WIPF3: variants seen among roughly 807,000 people sequenced by gnomAD.
WIPF3 encodes WAS/WASL-interacting protein family member 3.
WIPF3 carries 33 observed loss-of-function variants against 38.9 expected under a neutral mutation model. That is an observed-to-expected ratio of 0.85 (90% CI 0.64 to 1.14). The LOEUF (loss-of-function observed/expected upper bound fraction) is 1.14, where lower values mean the gene tolerates loss of function less well. Among genes scored for constraint, WIPF3 ranks in the 50% most tolerant of loss-of-function variants. The probability of loss-of-function intolerance (pLI) is 0.00; values close to 1 mark genes in which losing one functional copy is unlikely to be tolerated. For synonymous variants in WIPF3, 324 were observed against 269.3 expected (o/e 1.20, Z -1.99); for missense variants, 711 against 652.5 (o/e 1.09, Z -0.98).
In WIPF3 at chr7:29,857,323, C is replaced by T. The variant is rs976681143; in HGVS notation, c.91-18507C>T. 1.2e-3 allele frequency among the ~76,000 whole-genome samples: 177 copies of T among 152,052 alleles called. 1 individual carries two copies. Among genetic ancestry groups the T allele is most frequent in the Non-Finnish European group, 4.6e-4 (31 of 68,018 alleles). On this transcript the variant is annotated intron_variant, in intron 2 of 8. Transcript: ENST00000242140. ...TTTCTCTTAAAAAGAATCATGGCAA[C>T]GTGTCCCTGATTCTTTTGGAAAATA...
In WIPF3 at chr7:29,916,175, G is replaced by A. The variant is rs1191678537; in HGVS notation, c.*1659G>A. The A allele has an allele frequency of 2.6e-5, 4 of 152,178 alleles. No individual in the cohort carries two copies. Among genetic ancestry groups the A allele is most frequent in the Non-Finnish European group, 5.9e-5 (4 of 68,026 alleles). The allele number at this position is 152,178 out of a possible 1,614,324, so 9.4% of individuals were successfully genotyped here. ...AAGTAGAAGTTTTTGCAGGTCATCA[G>A]CTCTGGGCATAACTAATTTGTTTTA... On this transcript the variant is annotated 3_prime_UTR_variant, in exon 9 of 9. Transcript: ENST00000242140.
intron 2 of WIPF3, among the ~76,000 whole-genome samples, chr7:29,839,096 G>T (rs192641408): frequency 6.6e-6 from 1 of 152,130 alleles, no homozygotes; most frequent in South Asian, 2.1e-4. Flanking sequence ...GGAGGAGAGT[G>T]GGGGACTCAG....
chr7:29,819,958 G>A (rs186369689), intron 1 of WIPF3, among the ~76,000 whole-genome samples: 48 of 152,040 alleles, frequency 3.2e-4, no homozygotes, highest in Non-Finnish European at 5.7e-4. Flanking sequence ...CTAGTTTAGG[G>A]ACACTTTAAT....
At chr7:29,871,882 G>A (rs1785502293) in intron 2 of WIPF3, among the ~76,000 whole-genome samples, 2 of 152,172 alleles carry the variant, frequency 1.3e-5, no homozygotes, top group South Asian at 4.1e-4. Flanking sequence ...TAAGGTGAAC[G>A]TCTATTCTAC....
intron 7 of WIPF3, among the ~76,000 whole-genome samples, chr7:29,890,885 G>GAA (rs1785998224): frequency 7.6e-6 from 1 of 132,214 alleles, no homozygotes. Context: ...GGTGGAAGGG[G>GAA]TGAGGGCCTG....
At chr7:29,814,789 A>G (rs1478260453) in intron 1 of WIPF3, among the ~76,000 whole-genome samples, 1 of 152,106 alleles carries the variant, frequency 6.6e-6, no homozygotes, top group Non-Finnish European at 1.5e-5. Context: ...TGTTTTTCTC[A>G]GTGAACTGTT....
intron 8 of WIPF3, among the ~76,000 whole-genome samples, chr7:29,910,465 C>T (rs1786485738): frequency 6.6e-6 from 1 of 152,044 alleles, no homozygotes; most frequent in South Asian, 2.1e-4. Context: ...AGCAAAGACA[C>T]AAGAAAACCG....
intron 5 of WIPF3, among the ~76,000 whole-genome samples, chr7:29,885,857 A>G (rs1209347046): frequency 1.3e-5 from 2 of 151,956 alleles, no homozygotes; most frequent in Non-Finnish European, 2.9e-5. Flanking sequence ...TAATAACATC[A>G]CCCAGAGATG....
chr7:29,835,040 A>T (rs550473564), intron 2 of WIPF3, among the ~76,000 whole-genome samples: 7 of 151,842 alleles, frequency 4.6e-5, no homozygotes, highest in African/African-American at 1.7e-4. Context: ...TCATTGGTCT[A>T]CTGATGTCTA....
At chr7:29,909,750 G>A (rs1212001886) in intron 8 of WIPF3, among the ~76,000 whole-genome samples, 1 of 152,060 alleles carries the variant, frequency 6.6e-6, no homozygotes, top group Non-Finnish European at 1.5e-5. Context: ...TTTTAAATTA[G>A]CCAGATATGG....
chr7:29,810,776 T>A (rs1208741194), intron 1 of WIPF3, among the ~76,000 whole-genome samples: 1 of 152,256 alleles, frequency 6.6e-6, no homozygotes, highest in Non-Finnish European at 1.5e-5. Flanking sequence ...ATCATTTATT[T>A]GCTGTATGAT....
At chr7:29,899,067 G>A (rs1404666213) in intron 7 of WIPF3, among the ~76,000 whole-genome samples, 2 of 152,110 alleles carry the variant, frequency 1.3e-5, no homozygotes, top group African/African-American at 4.8e-5. Flanking sequence ...TCTCTTCCTG[G>A]CTTGCAGAGG....
At chr7:29,864,253 T>A (rs956847249) in intron 2 of WIPF3, among the ~76,000 whole-genome samples, 1 of 152,222 alleles carries the variant, frequency 6.6e-6, no homozygotes, top group Non-Finnish European at 1.5e-5. Context: ...TTTTGTCAGA[T>A]GCTTTTTCTG....
At chr7:29,858,974 A>G (rs1785232792) in intron 2 of WIPF3, among the ~76,000 whole-genome samples, 2 of 152,238 alleles carry the variant, frequency 1.3e-5, no homozygotes, top group Non-Finnish European at 2.9e-5. Flanking sequence ...CACTATGCTC[A>G]GTACTGGAAG....
chr7:29,825,894 A>G (rs1361423011), intron 1 of WIPF3, among the ~76,000 whole-genome samples: 1 of 152,166 alleles, frequency 6.6e-6, no homozygotes, highest in East Asian at 1.9e-4. Flanking sequence ...TTTAATACCC[A>G]GTTAGGGCTG....
At position 29,832,977 on chromosome 7, in the gene WIPF3, A is replaced by G. The variant is rs544728867; in HGVS notation, c.-57-1691A>G. On this transcript the variant is annotated intron_variant, in intron 1 of 8. Transcript: ENST00000242140. ...TCAACTAAATGTGGTGTATACGTAC[A>G]ATGGAATAATTCAGAATGAATTTCT... Among the ~76,000 whole-genome samples the G allele has an allele frequency of 1.3e-3, 197 of 152,380 alleles. 2 individuals are homozygous for G. The highest frequency in any genetic ancestry group is 4.7e-3 in the African/African-American group (196 of 41,596).
chr7:29,863,826 C>CAT (rs1785341182), intron 2 of WIPF3, among the ~76,000 whole-genome samples: 1 of 152,118 alleles, frequency 6.6e-6, no homozygotes, highest in Non-Finnish European at 1.5e-5. Flanking sequence ...GTACTTGGAG[C>CAT]ATATTTTAAG....
At chr7:29,898,055 C>G (rs997756551) in intron 7 of WIPF3, among the ~76,000 whole-genome samples, 4 of 152,180 alleles carry the variant, frequency 2.6e-5, no homozygotes, top group African/African-American at 9.7e-5. Context: ...GCCAAGTCCT[C>G]CCAGGCTTTC....
chr7:29,889,393 G>T lies in WIPF3; in HGVS notation c.1337G>T (p.Ser446Ile). The change falls in exon 7 of 9, where the codon AGC becomes ATC. Residue 446 changes from serine (S) to isoleucine (I), a missense_variant. Coordinates refer to ENST00000242140, the MANE Select transcript of WIPF3 (RefSeq NM_001080529.3). ...AAACCATGCCAGAAGATTTACCCCA[G>T]CAAGATCCCCAGAAGTAAGTACCAC... ...EYKPCQKIYP[S>I]KIPRSRTPGP... 1 of 1,613,864 alleles carries T rather than the reference G, an allele frequency of 6.2e-7. No homozygotes were observed. Among genetic ancestry groups the T allele is most frequent in the Non-Finnish European group, 8.5e-7 (1 of 1,179,796 alleles).
Sources: allele counts gnomAD v4.1 joint callset (sites outside exome capture counted in the v4.1 genomes callset), GRCh38; gene constraint gnomAD v4.1.1; transcripts MANE v1.5; gene names NCBI Gene and HGNC (gene_info 2026-07-23, HGNC 2026-07-21).